Variants in SEPTIN10 observed in about 807,000 individuals in gnomAD.
The protein encoded by SEPTIN10 is septin 10.
SEPTIN10 carries 66 observed loss-of-function variants against 54.8 expected under a neutral mutation model. The ratio of observed to expected loss-of-function variants is 1.21; its 90% CI spans 0.99 to 1.48. The LOEUF (loss-of-function observed/expected upper bound fraction) is 1.48, where lower values mean the gene tolerates loss of function less well. SEPTIN10 is among the 40% of genes most tolerant of loss of function. The pLI, the probability that SEPTIN10 is intolerant of heterozygous loss-of-function variation, is 0.00. For missense variants in SEPTIN10, 620 were observed against 545.6 expected (o/e 1.14, Z -1.36); for synonymous variants, 161 against 181.0 (o/e 0.89, Z 0.89).
chr2:109,548,011 C>G (rs977827023), intron 9 of SEPTIN10, among the ~76,000 whole-genome samples: 1 of 152,058 alleles, frequency 6.6e-6, no homozygotes, highest in Non-Finnish European at 1.5e-5. Flanking sequence ...CATTTTTATA[C>G]CCCCAGCACA....
At chr2:109,582,510 C>T (rs1196128529) in intron 4 of SEPTIN10, among the ~76,000 whole-genome samples, 1 of 151,958 alleles carries the variant, frequency 6.6e-6, no homozygotes, top group East Asian at 1.9e-4. Flanking sequence ...TTTGTAGAGA[C>T]GAGGTCCCAC....
chr2:109,597,521 T>G (rs1213252982), intron 1 of SEPTIN10, among the ~76,000 whole-genome samples: 4 of 152,136 alleles, frequency 2.6e-5, no homozygotes, highest in Admixed American at 2.6e-4. Context: ...GACCACAATC[T>G]CGTTTCAACG....
At chr2:109,580,999 G>A (rs1423168409) in intron 4 of SEPTIN10, among the ~76,000 whole-genome samples, 7 of 152,152 alleles carry the variant, frequency 4.6e-5, no homozygotes, top group African/African-American at 1.7e-4. Context: ...ATCTGGAGAG[G>A]GCCCCCAAGT....
chr2:109,575,285 T>C (rs922282524), intron 4 of SEPTIN10, among the ~76,000 whole-genome samples: 5 of 152,206 alleles, frequency 3.3e-5, no homozygotes, highest in African/African-American at 1.2e-4. Flanking sequence ...ACTGAGAAAA[T>C]GCATAGGCAT....
chr2:109,559,451 G>A (rs963371839), intron 8 of SEPTIN10, among the ~76,000 whole-genome samples: 2 of 152,256 alleles, frequency 1.3e-5, no homozygotes, highest in African/African-American at 2.4e-5. Flanking sequence ...CACCCAGTCC[G>A]TAGCCTGACC....
At chr2:109,550,432 C>T (rs1682629439) in intron 9 of SEPTIN10, among the ~76,000 whole-genome samples, 1 of 151,768 alleles carries the variant, frequency 6.6e-6, no homozygotes, top group African/African-American at 2.4e-5. Flanking sequence ...CCTGCCTCAA[C>T]CTCCTGAGTA....
At chr2:109,578,818 A>G (rs1321024608) in intron 4 of SEPTIN10, among the ~76,000 whole-genome samples, 2 of 152,180 alleles carry the variant, frequency 1.3e-5, no homozygotes, top group African/African-American at 4.8e-5. Flanking sequence ...CTATGTATCA[A>G]ACTTGTGGAA....
rs1227388973 is a variant in SEPTIN10 at position 109,565,828 on chromosome 2, A to G, written c.794T>C (p.Met265Thr). 6.2e-7 allele frequency: 1 copy of G among 1,614,108 alleles called. No individual in the cohort carries two copies. Among genetic ancestry groups the G allele is most frequent in the Admixed American group, 1.7e-5 (1 of 60,016 alleles). ...CTTGTTTCCGACTTTTACCTCATCC[A>G]TACTTCCCACAACAGCAAACGGCAA... ...GQLPFAVVGS[M>T]DEVKVGNKMV... Residue 265 changes from methionine to threonine, a missense_variant, in exon 7 of 11, where the codon ATG (methionine) becomes ACG (threonine). Met to Thr is a moderately conservative substitution (Grantham distance 81). Transcript: ENST00000397712.
chr2:109,609,377 A>G (rs1698727449), intron 1 of SEPTIN10, among the ~76,000 whole-genome samples: 2 of 152,214 alleles, frequency 1.3e-5, no homozygotes, highest in Non-Finnish European at 2.9e-5. Context: ...AGATCATTTA[A>G]TTAAGGACGA....
At chr2:109,579,311 GATTT>G (rs920261759) in intron 4 of SEPTIN10, among the ~76,000 whole-genome samples, 3 of 151,138 alleles carry the variant, frequency 2.0e-5, no homozygotes, top group Admixed American at 2.0e-4. Context: ...CCCAGGCACT[GATTT>G]TTTTTATTGG....
At chr2:109,576,414 T>A (rs1689709254) in intron 4 of SEPTIN10, among the ~76,000 whole-genome samples, 1 of 152,094 alleles carries the variant, frequency 6.6e-6, no homozygotes, top group African/African-American at 2.4e-5. Context: ...AAATGATATT[T>A]TTTTTAATAA....
intron 8 of SEPTIN10, among the ~76,000 whole-genome samples, chr2:109,562,290 AC>A (rs1176931096): frequency 1.3e-5 from 2 of 151,250 alleles, no homozygotes; most frequent in African/African-American, 4.9e-5. Flanking sequence ...CTCTGTCACT[AC>A]CCCTCTCTTT....
Position 109,574,582 on chromosome 2 carries a change from T to G in SEPTIN10, c.599A>C (p.Lys200Thr), listed in dbSNP as rs749945195. Residue 200 changes from lysine (K) to threonine (T), a missense_variant and splice_region_variant, in exon 5 of 11, where the codon AAG becomes ACG. Lys to Thr is a moderately conservative substitution (Grantham distance 78). Transcript: ENST00000397712. ...DLLTMKNLDS[K>T]VNIIPVIAKA... ...AGTTGATTCCTTTCCTCAACCCACCTTGCTGTCAAGGTTCTTCATGGTTAA... is the reference window on the plus strand; with the variant it reads ...AGTTGATTCCTTTCCTCAACCCACCGTGCTGTCAAGGTTCTTCATGGTTAA... The G allele has an allele frequency of 4.5e-5, 69 of 1,518,364 alleles. 2 individuals are homozygous for G. In the South Asian group the frequency reaches 7.3e-4, roughly 16 times the overall value. 94.1% of individuals were successfully genotyped at this position (1,518,364 alleles called of 1,614,324 possible).
chr2:109,609,683 A>G (rs1698813305), intron 1 of SEPTIN10, among the ~76,000 whole-genome samples: 1 of 152,156 alleles, frequency 6.6e-6, no homozygotes, highest in South Asian at 2.1e-4. Flanking sequence ...AAGTAAAACA[A>G]ATGAGAAGCC....
At chr2:109,566,010 G>A (rs1686928902) in intron 6 of SEPTIN10, 151 bp from the exon 7 acceptor site, 1 of 693,312 alleles carries the variant, frequency 1.4e-6, no homozygotes, top group Non-Finnish European at 2.5e-6. Context: ...ACCTGCCAGT[G>A]AATATGTGCT....
Position 109,546,111 on chromosome 2 carries a change from A to G in SEPTIN10, c.1288T>C (p.Phe430Leu). 3 of 1,610,816 alleles carry G rather than the reference A, an allele frequency of 1.9e-6. No homozygotes were observed. Among genetic ancestry groups the G allele is most frequent in the South Asian group, 1.1e-5 (1 of 90,728 alleles). Residue 430 changes from phenylalanine to leucine, a missense_variant, in exon 10 of 11, where the codon TTT becomes CTT. By Grantham distance (22) the Phe-to-Leu change is conservative (BLOSUM62 0). Transcript: ENST00000397712. ...FSKKKATSEIFHSQSFLATGS... is the reference protein window; with the variant it reads ...FSKKKATSEILHSQSFLATGS... ...GTTGCCAGAAAGGACTGGCTGTGAA[A>G]TATCTCGGAGGTAGCTTTCTTTTTA... is the stretch of plus-strand genomic sequence containing the variant.
At chr2:109,599,612 T>C (rs902483417) in intron 1 of SEPTIN10, among the ~76,000 whole-genome samples, 3 of 152,020 alleles carry the variant, frequency 2.0e-5, no homozygotes, top group African/African-American at 4.8e-5. Flanking sequence ...CCCAGCAAAA[T>C]AGCACCTCCA....
At chr2:109,581,470 T>C (rs1466244397) in intron 4 of SEPTIN10, among the ~76,000 whole-genome samples, 1 of 151,622 alleles carries the variant, frequency 6.6e-6, no homozygotes, top group Non-Finnish European at 1.5e-5. Context: ...GTAAAGTTTA[T>C]TCTATGTACA....
At chr2:109,590,006 A>T (rs1395193111) in intron 2 of SEPTIN10, among the ~76,000 whole-genome samples, 1 of 151,444 alleles carries the variant, frequency 6.6e-6, no homozygotes, top group East Asian at 1.9e-4. Context: ...TTTTTCACAT[A>T]ATCATATATA....
Sources: allele counts gnomAD v4.1 joint callset (sites outside exome capture counted in the v4.1 genomes callset), GRCh38; gene constraint gnomAD v4.1.1; transcripts MANE v1.5; gene names NCBI Gene and HGNC (gene_info 2026-07-23, HGNC 2026-07-21).